The following RHBDD1 variants were observed in gnomAD, a reference collection of about 807,000 sequenced individuals.
The protein encoded by RHBDD1 is rhomboid-related protein 4.
A neutral mutation model predicts 36.3 loss-of-function variants in RHBDD1; 38 were observed. The ratio of observed to expected loss-of-function variants is 1.05; its 90% CI spans 0.81 to 1.37. The LOEUF is 1.37. RHBDD1 is among the 40% of genes most tolerant of loss of function. The pLI is 0.00. For synonymous variants in RHBDD1, 151 were observed against 136.5 expected (o/e 1.11, Z -0.74); for missense variants, 393 against 377.6 (o/e 1.04, Z -0.34).
chr2:226,860,644 G>C (rs528721361), intron 3 of RHBDD1, among the ~76,000 whole-genome samples: 27 of 152,212 alleles, frequency 1.8e-4, no homozygotes, highest in African/African-American at 6.5e-4. Flanking sequence ...TGGCTGACTT[G>C]GTAACTGATT....
At position 226,838,101 on chromosome 2, in the gene RHBDD1, T is replaced by G. The variant is rs1160835865; in HGVS notation, c.-363T>G. The G allele has an allele frequency of 3.3e-5, 5 of 152,132 alleles. No homozygotes were observed. Among genetic ancestry groups the G allele is most frequent in the Non-Finnish European group, 7.3e-5 (5 of 68,032 alleles). The allele number at this position is 152,132 out of a possible 1,614,324, so 9.4% of individuals were successfully genotyped here. On this transcript the variant is annotated 5_prime_UTR_variant, in exon 2 of 9. Coordinates refer to ENST00000392062, the MANE Select transcript of RHBDD1 (RefSeq NM_001167608.3). ...TCCATTGTAGGGGGAGAAAGAAATA[T>G]TCAGGATTTAAAGCAGCTGCTCTAA...
At chr2:226,910,886 T>C (rs531705813) in intron 7 of RHBDD1, among the ~76,000 whole-genome samples, 18 of 152,228 alleles carry the variant, frequency 1.2e-4, no homozygotes, top group African/African-American at 4.3e-4. Context: ...CTGTTGATGA[T>C]CTATGATTGA....
chr2:226,916,866 T>C (rs1948942049), intron 8 of RHBDD1, among the ~76,000 whole-genome samples: 1 of 152,174 alleles, frequency 6.6e-6, no homozygotes, highest in Non-Finnish European at 1.5e-5. Flanking sequence ...TTAGTACTAG[T>C]AGTACAGGTG....
At chr2:226,886,099 C>T (rs1216335758) in intron 5 of RHBDD1, among the ~76,000 whole-genome samples, 1 of 152,112 alleles carries the variant, frequency 6.6e-6, no homozygotes, top group East Asian at 1.9e-4. Flanking sequence ...TAACTGAAAC[C>T]GTGGAAAGTG....
chr2:226,967,137 A>T (rs1952698166), intron 8 of RHBDD1, among the ~76,000 whole-genome samples: 1 of 152,066 alleles, frequency 6.6e-6, no homozygotes, highest in Non-Finnish European at 1.5e-5. Context: ...AGATGGACCA[A>T]CTCTTTGTGA....
At position 226,893,147 on chromosome 2, in the gene RHBDD1, G is replaced by A. The variant is rs1430918171; in HGVS notation, c.567-13646G>A. ...CTTTAACAAAGATCAATAAGTCAGA[G>A]AGTCCATCTACCATAGGGCCATGGA... On this transcript the variant is annotated intron_variant, in intron 5 of 8. Transcript: ENST00000392062. 3.9e-5 allele frequency among the ~76,000 whole-genome samples: 6 copies of A among 152,096 alleles called. No individual in the cohort carries two copies. The East Asian group carries it at 7.7e-4, about 20-fold the overall frequency.
the RHBDD1 span, among the ~76,000 whole-genome samples, chr2:226,802,061 C>G: frequency 6.6e-6 from 1 of 152,018 alleles, no homozygotes; most frequent in African/African-American, 2.4e-5. Flanking sequence ...GGTACTGTAC[C>G]TCTATGGGGG....
At chr2:226,963,800 C>A (rs2149275817) in intron 8 of RHBDD1, among the ~76,000 whole-genome samples, 1 of 152,194 alleles carries the variant, frequency 6.6e-6, no homozygotes, top group East Asian at 1.9e-4. Flanking sequence ...AACCTCTCAA[C>A]TATCCTAGAC....
intron 8 of RHBDD1, among the ~76,000 whole-genome samples, chr2:226,991,208 G>A (rs1227130256): frequency 2.0e-5 from 3 of 152,130 alleles, no homozygotes; most frequent in Non-Finnish European, 2.9e-5. Context: ...TTGAGACAGA[G>A]TCTCACTCTG....
intron 5 of RHBDD1, among the ~76,000 whole-genome samples, chr2:226,878,075 C>T (rs1320369784): frequency 1.3e-5 from 2 of 152,152 alleles, no homozygotes; most frequent in African/African-American, 2.4e-5. Flanking sequence ...ATTCATAGAG[C>T]ACATTTTGAG....
chr2:226,808,251 C>T, the RHBDD1 span: 1 of 152,152 alleles, frequency 6.6e-6, no homozygotes, highest in African/African-American at 2.4e-5. Context: ...TAGGATGACT[C>T]CAAGGTTTTT....
chr2:226,828,314 A>G, the RHBDD1 span, among the ~76,000 whole-genome samples: 1 of 152,280 alleles, frequency 6.6e-6, no homozygotes, highest in South Asian at 2.1e-4. Flanking sequence ...TTCGTTGCTT[A>G]ATCATTAACA....
chr2:226,879,911 G>T (rs895174551), intron 5 of RHBDD1, among the ~76,000 whole-genome samples: 1 of 152,170 alleles, frequency 6.6e-6, no homozygotes, highest in African/African-American at 2.4e-5. Flanking sequence ...GAGGGGAGAA[G>T]AGTGGCTGTC....
intron 3 of RHBDD1, among the ~76,000 whole-genome samples, chr2:226,845,322 T>C (rs1449060807): frequency 6.6e-6 from 1 of 152,240 alleles, no homozygotes; most frequent in Non-Finnish European, 1.5e-5. Flanking sequence ...TGTGATTTTG[T>C]GTAATAAATA....
chr2:226,818,399 C>T, the RHBDD1 span, among the ~76,000 whole-genome samples: 2 of 151,020 alleles, frequency 1.3e-5, no homozygotes, highest in Non-Finnish European at 3.0e-5. Flanking sequence ...ATCTCCTGAC[C>T]TCGTGATCTG....
chr2:226,980,476 C>A (rs1955482169), intron 8 of RHBDD1, among the ~76,000 whole-genome samples: 1 of 152,166 alleles, frequency 6.6e-6, no homozygotes, highest in South Asian at 2.1e-4. Context: ...CATTTACCTT[C>A]TCTGAACTTC....
At chr2:226,977,244 T>A (rs1954771634) in intron 8 of RHBDD1, among the ~76,000 whole-genome samples, 1 of 152,118 alleles carries the variant, frequency 6.6e-6, no homozygotes, top group Non-Finnish European at 1.5e-5. Context: ...AAGCTCCCCC[T>A]CCCTTTAGTT....
intron 7 of RHBDD1, among the ~76,000 whole-genome samples, chr2:226,909,348 A>T (rs189801457): frequency 2.0e-5 from 3 of 152,328 alleles, no homozygotes; most frequent in Non-Finnish European, 1.5e-5. Flanking sequence ...TTTTCTAAGT[A>T]TCTGTGTAAA....
chr2:226,873,348 C>T (rs1365260329), intron 5 of RHBDD1, among the ~76,000 whole-genome samples: 2 of 152,134 alleles, frequency 1.3e-5, no homozygotes, highest in African/African-American at 4.8e-5. Flanking sequence ...ACTCCAGTGA[C>T]AACTGATATG....
Sources: allele counts gnomAD v4.1 joint callset (sites outside exome capture counted in the v4.1 genomes callset), GRCh38; gene constraint gnomAD v4.1.1; transcripts MANE v1.5; gene names NCBI Gene and HGNC (gene_info 2026-07-23, HGNC 2026-07-21).